GRIP1: variants seen among roughly 807,000 people sequenced by gnomAD.
GRIP1 encodes glutamate receptor-interacting protein 1.
A neutral mutation model predicts 129.9 loss-of-function variants in GRIP1; 45 were observed. The ratio of observed to expected loss-of-function variants is 0.35; its 90% CI spans 0.27 to 0.44. GRIP1 has a LOEUF of 0.44. Ranked by LOEUF, GRIP1 falls within the 20% of genes least tolerant of loss-of-function variation. GRIP1 has a pLI of 1.00. For missense variants in GRIP1, 1,196 were observed against 1,396.8 expected (o/e 0.86, Z 2.29); for synonymous variants, 530 against 520.8 (o/e 1.02, Z -0.24).
intron 9 of GRIP1, among the ~76,000 whole-genome samples, chr12:66,459,197 G>T (rs890928019): frequency 2.6e-5 from 4 of 152,180 alleles, no homozygotes; most frequent in Non-Finnish European, 4.4e-5. Flanking sequence ...ATGCATGAAT[G>T]AACGGGAATA....
intron 1 of GRIP1, among the ~76,000 whole-genome samples, chr12:66,878,803 A>G (rs185092476): frequency 6.6e-6 from 1 of 152,202 alleles, no homozygotes; most frequent in Non-Finnish European, 1.5e-5. Flanking sequence ...GCGGAGAAAA[A>G]TGAAGAAGGG....
At chr12:66,886,717 A>G (rs1255355038) in intron 1 of GRIP1, among the ~76,000 whole-genome samples, 2 of 152,220 alleles carry the variant, frequency 1.3e-5, no homozygotes, top group Non-Finnish European at 2.9e-5. Context: ...AGTAACAATA[A>G]GAGCAAGATA....
chr12:66,633,101 C>T (rs1163842030), intron 1 of GRIP1, among the ~76,000 whole-genome samples: 1 of 151,676 alleles, frequency 6.6e-6, no homozygotes, highest in African/African-American at 2.4e-5. Flanking sequence ...AAGCCTTGAC[C>T]TCCAGGGCTC....
chr12:66,907,128 C>T (rs1372907039), intron 1 of GRIP1, among the ~76,000 whole-genome samples: 1 of 152,154 alleles, frequency 6.6e-6, no homozygotes, highest in Non-Finnish European at 1.5e-5. Flanking sequence ...TCAGTCTTTT[C>T]TTGTCTTTCA....
chr12:66,573,663 A>G (rs1367191989), intron 2 of GRIP1, among the ~76,000 whole-genome samples: 2 of 152,140 alleles, frequency 1.3e-5, no homozygotes, highest in African/African-American at 2.4e-5. Flanking sequence ...CTATGCTTAG[A>G]AAGTTCTACC....
intron 24 of GRIP1, among the ~76,000 whole-genome samples, chr12:66,349,735 A>G (rs2137052826): frequency 6.6e-6 from 1 of 152,222 alleles, no homozygotes; most frequent in South Asian, 2.1e-4. Flanking sequence ...TCATTGTGGC[A>G]CTTGAGGAGA....
chr12:66,611,749 A>G (rs2064803465), intron 1 of GRIP1, among the ~76,000 whole-genome samples: 1 of 152,242 alleles, frequency 6.6e-6, no homozygotes, highest in African/African-American at 2.4e-5. Flanking sequence ...GCCATCAGCA[A>G]AGATAAGCTG....
At chr12:66,705,787 T>C (rs1453088298) in intron 1 of GRIP1, among the ~76,000 whole-genome samples, 3 of 151,904 alleles carry the variant, frequency 2.0e-5, no homozygotes, top group Non-Finnish European at 4.4e-5. Flanking sequence ...ACAAATCTGA[T>C]AAAAACAAGC....
chr12:66,356,285 G>A (rs1330729961), intron 23 of GRIP1, among the ~76,000 whole-genome samples: 1 of 152,186 alleles, frequency 6.6e-6, no homozygotes, highest in Non-Finnish European at 1.5e-5. Flanking sequence ...GGAAATGAAA[G>A]CTCAAAGAGA....
chr12:66,419,650 C>A (rs150902614), intron 15 of GRIP1, among the ~76,000 whole-genome samples: 3 of 152,248 alleles, frequency 2.0e-5, no homozygotes, highest in Admixed American at 6.5e-5. Context: ...CTCCCATAGC[C>A]CTGGATTGCC....
intron 7 of GRIP1, 56 bp from the exon 8 acceptor site, chr12:66,465,478 C>CA: frequency 8.3e-6 from 12 of 1,448,286 alleles, no homozygotes; most frequent in Non-Finnish European, 1.2e-5. Context: ...AGCAAAGAGA[C>CA]AAAAGAAAGA....
chr12:66,766,440 C>T (rs1232425307), intron 1 of GRIP1, among the ~76,000 whole-genome samples: 1 of 152,188 alleles, frequency 6.6e-6, no homozygotes, highest in Non-Finnish European at 1.5e-5. Flanking sequence ...GCACACACAC[C>T]TTCATTAAAG....
chr12:67,013,817 T>C (rs73317181), intron 1 of GRIP1, among the ~76,000 whole-genome samples: 2,073 of 152,306 alleles, frequency 0.014, 48 homozygotes, highest in African/African-American at 0.048. Flanking sequence ...ACCATGGTAA[T>C]AGCAGAGTAA....
chr12:66,823,935 C>T (rs1447413728), intron 1 of GRIP1, among the ~76,000 whole-genome samples: 1 of 152,166 alleles, frequency 6.6e-6, no homozygotes, highest in Non-Finnish European at 1.5e-5. Context: ...AACTCTGAAA[C>T]AGACAGCCTG....
At chr12:66,412,762 C>T (rs1444439774) in intron 15 of GRIP1, among the ~76,000 whole-genome samples, 2 of 152,148 alleles carry the variant, frequency 1.3e-5, no homozygotes, top group African/African-American at 4.8e-5. Context: ...CAGTGACACA[C>T]ATAGGCTCAA....
At position 66,347,669 on chromosome 12, in the gene GRIP1, C is replaced by CTT. The variant is rs1257424129; in HGVS notation, c.*1348_*1349dup. 6 of 151,744 alleles carry CTT rather than the reference C, an allele frequency of 4.0e-5. No individual in the cohort carries two copies. The highest frequency in any genetic ancestry group is 1.9e-4 in the East Asian group (1 of 5,176). The allele number at this position is 151,744 out of a possible 1,614,324, so 9.4% of individuals were successfully genotyped here. ...GACTCATGATCTTTTTTTCTTTTTT[C>CTT]TTAACATGATCCTGCTTTATACTTT... On this transcript the variant is annotated 3_prime_UTR_variant, in exon 25 of 25. Coordinates refer to ENST00000359742, the MANE Select transcript of GRIP1 (RefSeq NM_001366722.1).
chr12:67,009,262 A>C (rs1229848871), intron 1 of GRIP1, among the ~76,000 whole-genome samples: 2 of 152,142 alleles, frequency 1.3e-5, no homozygotes, highest in Non-Finnish European at 2.9e-5. Context: ...GAAGATTTTA[A>C]GAGGGGATTA....
chr12:66,708,114 C>A (rs919993770), intron 1 of GRIP1, among the ~76,000 whole-genome samples: 1 of 151,962 alleles, frequency 6.6e-6, no homozygotes, highest in Non-Finnish European at 1.5e-5. Flanking sequence ...TTTGAATATT[C>A]TCAGTGAACT....
At chr12:66,475,024 A>G (rs1291474929) in intron 7 of GRIP1, among the ~76,000 whole-genome samples, 1 of 152,232 alleles carries the variant, frequency 6.6e-6, no homozygotes, top group East Asian at 1.9e-4. Flanking sequence ...ATTAAAAGAC[A>G]CAGACTGGCA....
Sources: allele counts gnomAD v4.1 joint callset (sites outside exome capture counted in the v4.1 genomes callset), GRCh38; gene constraint gnomAD v4.1.1; transcripts MANE v1.5; gene names NCBI Gene and HGNC (gene_info 2026-07-23, HGNC 2026-07-21).